The following HTR1E variants were observed in gnomAD, a reference collection of about 807,000 sequenced individuals.
HTR1E encodes the protein 5-hydroxytryptamine receptor 1E, also known as 5-HT-1E.
A neutral mutation model predicts 3.4 loss-of-function variants in HTR1E; 3 were observed. The ratio of observed to expected loss-of-function variants is 0.89; its 90% CI spans 0.41 to 2.31. The LOEUF (loss-of-function observed/expected upper bound fraction) is 2.31. Ranked by LOEUF, HTR1E falls within the 30% of genes most tolerant of loss-of-function variation. The probability of loss-of-function intolerance (pLI) is 0.05; values close to 1 mark genes in which losing one functional copy is unlikely to be tolerated. For synonymous variants in HTR1E, 170 were observed against 182.8 expected (o/e 0.93, Z 0.56); for missense variants, 392 against 467.0 (o/e 0.84, Z 1.48).
chr6:86,993,604 C>A (rs1392365122), intron 1 of HTR1E, among the ~76,000 whole-genome samples: 5 of 151,876 alleles, frequency 3.3e-5, no homozygotes, highest in African/African-American at 1.2e-4. Flanking sequence ...TCCTCCCCTG[C>A]CAGAAAAGGC....
At chr6:86,949,945 A>G (rs1767203560) in intron 1 of HTR1E, among the ~76,000 whole-genome samples, 1 of 152,082 alleles carries the variant, frequency 6.6e-6, no homozygotes, top group Admixed American at 6.6e-5. Flanking sequence ...GAGTGAACGT[A>G]TTTACTGGGG....
chr6:86,959,755 T>C (rs183828269), intron 1 of HTR1E, among the ~76,000 whole-genome samples: 7 of 152,168 alleles, frequency 4.6e-5, no homozygotes, highest in African/African-American at 1.7e-4. Context: ...CTGACAAATT[T>C]TGAATCTCTG....
intron 1 of HTR1E, among the ~76,000 whole-genome samples, chr6:86,964,267 A>G (rs992436368): frequency 1.3e-5 from 2 of 151,908 alleles, no homozygotes; most frequent in African/African-American, 2.4e-5. Context: ...TTACTAACAC[A>G]TAAGACAAAT....
chr6:86,993,884 T>C (rs1348436224), intron 1 of HTR1E, among the ~76,000 whole-genome samples: 3 of 151,984 alleles, frequency 2.0e-5, no homozygotes, highest in Non-Finnish European at 4.4e-5. Context: ...TGAAGAATTA[T>C]GAGCACACTT....
At chr6:86,966,126 G>T (rs963021048) in intron 1 of HTR1E, among the ~76,000 whole-genome samples, 1 of 151,856 alleles carries the variant, frequency 6.6e-6, no homozygotes, top group African/African-American at 2.4e-5. Flanking sequence ...AAGGATGGGT[G>T]GTTTCAAATT....
intron 1 of HTR1E, among the ~76,000 whole-genome samples, chr6:86,959,260 A>T (rs1767371710): frequency 6.6e-6 from 1 of 152,142 alleles, no homozygotes; most frequent in Admixed American, 6.5e-5. Context: ...TGTTAATCTC[A>T]TCTTAAAAAA....
intron 1 of HTR1E, among the ~76,000 whole-genome samples, chr6:86,995,159 T>C (rs1296658446): frequency 6.6e-6 from 1 of 151,872 alleles, no homozygotes; most frequent in Non-Finnish European, 1.5e-5. Context: ...TTTTAAAAGG[T>C]CTACATACCG....
At chr6:86,956,117 G>T (rs751534169) in intron 1 of HTR1E, among the ~76,000 whole-genome samples, 2 of 152,116 alleles carry the variant, frequency 1.3e-5, no homozygotes, top group Non-Finnish European at 2.9e-5. Flanking sequence ...ATCATAGATA[G>T]CAGGCCCTAA....
intron 1 of HTR1E, among the ~76,000 whole-genome samples, chr6:87,001,597 A>T (rs1368422742): frequency 6.6e-6 from 1 of 152,218 alleles, no homozygotes; most frequent in African/African-American, 2.4e-5. Context: ...CTAGGGGTTT[A>T]TATAGCAAGG....
At chr6:86,980,356 C>T (rs1297338894) in intron 1 of HTR1E, among the ~76,000 whole-genome samples, 1 of 148,628 alleles carries the variant, frequency 6.7e-6, no homozygotes, top group Non-Finnish European at 1.5e-5. Context: ...CACTGCACTC[C>T]AGCCTGGGCA....
In HTR1E at chr6:86,960,495, T is replaced by TA. The variant is rs534609508; in HGVS notation, c.-186+22673dup. Among the ~76,000 whole-genome samples, 277 of 152,302 alleles carry TA rather than the reference T, an allele frequency of 1.8e-3. 2 individuals are homozygous for TA. The highest frequency in any genetic ancestry group is 0.01 in the Middle Eastern group (3 of 294). ...AAAAGCTTATATTTGGGGTTTACAT[T>TA]ATTCCACCTGGTGAACTTCACCAGT... On this transcript the variant is annotated intron_variant, in intron 1 of 1. Transcript: ENST00000305344.
chr6:86,972,134 G>C (rs1263852873), intron 1 of HTR1E, among the ~76,000 whole-genome samples: 1 of 152,156 alleles, frequency 6.6e-6, no homozygotes, highest in African/African-American at 2.4e-5. Context: ...TTTTCATTAA[G>C]TGTAAAATTT....
intron 1 of HTR1E, among the ~76,000 whole-genome samples, chr6:86,992,780 T>G (rs574077385): frequency 1.2e-4 from 18 of 152,324 alleles, no homozygotes; most frequent in African/African-American, 4.1e-4. Flanking sequence ...TTTTTCAAAT[T>G]GTAAAACCAA....
Position 87,014,956 on chromosome 6 carries a change from A to T in HTR1E, c.-185-194A>T, listed in dbSNP as rs558283847. ...TATCCCAGAACTTAAAGTATAATTT[A>T]AAAAAAAACAGTTTGAAAACTTCCC... On this transcript the variant is annotated intron_variant, in intron 1 of 1. Coordinates refer to ENST00000305344, the MANE Select transcript of HTR1E (RefSeq NM_000865.3). 7.3e-4 allele frequency among the ~76,000 whole-genome samples: 111 copies of T among 151,590 alleles called. 1 individual carries two copies. The highest frequency in any genetic ancestry group is 2.6e-3 in the African/African-American group (107 of 41,312).
intron 1 of HTR1E, among the ~76,000 whole-genome samples, chr6:86,967,422 A>G (rs949998062): frequency 6.6e-6 from 1 of 152,182 alleles, no homozygotes; most frequent in Non-Finnish European, 1.5e-5. Context: ...TTATTTAGTT[A>G]GGAATACATT....
At chr6:86,991,032 T>C (rs950825980) in intron 1 of HTR1E, among the ~76,000 whole-genome samples, 3 of 152,176 alleles carry the variant, frequency 2.0e-5, no homozygotes, top group Non-Finnish European at 4.4e-5. Flanking sequence ...TGAGAAGGGC[T>C]TGACTTCTGA....
At position 86,972,003 on chromosome 6, in the gene HTR1E, G is replaced by C. The variant is rs73753625; in HGVS notation, c.-186+34180G>C. 8.3e-3 allele frequency among the ~76,000 whole-genome samples: 1,257 copies of C among 152,266 alleles called. 18 individuals are homozygous for C. The highest frequency in any genetic ancestry group is 0.028 in the African/African-American group (1,179 of 41,558). Reference sequence around the variant, plus strand: ...ACCCACAAGCAGATAATTGAGGGGTGAATGTCAACTGAATATAAGAAAATG... The same window carrying C: ...ACCCACAAGCAGATAATTGAGGGGTCAATGTCAACTGAATATAAGAAAATG... On this transcript the variant is annotated intron_variant, in intron 1 of 1. Coordinates refer to ENST00000305344, the MANE Select transcript of HTR1E (RefSeq NM_000865.3).
At chr6:87,006,212 A>G (rs1768104918) in intron 1 of HTR1E, among the ~76,000 whole-genome samples, 1 of 152,238 alleles carries the variant, frequency 6.6e-6, no homozygotes, top group South Asian at 2.1e-4. Context: ...TATATGATTC[A>G]GCAATCCCTC....
chr6:86,939,860 G>A (rs1162428773), intron 1 of HTR1E, among the ~76,000 whole-genome samples: 1 of 152,204 alleles, frequency 6.6e-6, no homozygotes, highest in South Asian at 2.1e-4. Flanking sequence ...AGGGAATGGT[G>A]CCTACCTTGC....
Sources: allele counts gnomAD v4.1 joint callset (sites outside exome capture counted in the v4.1 genomes callset), GRCh38; gene constraint gnomAD v4.1.1; transcripts MANE v1.5; gene names NCBI Gene and HGNC (gene_info 2026-07-23, HGNC 2026-07-21).